The following HDX variants were observed in gnomAD, a reference collection of about 807,000 sequenced individuals.
The protein encoded by HDX is chromosome X open reading frame 43.
A neutral mutation model predicts 45.2 loss-of-function variants in HDX; 19 were observed. The ratio of observed to expected loss-of-function variants is 0.42; its 90% CI spans 0.29 to 0.62. HDX has a LOEUF of 0.62. Ranked by LOEUF, HDX falls within the 20% of genes least tolerant of loss-of-function variation. The probability of loss-of-function intolerance (pLI) is 0.20; values close to 1 mark genes in which losing one functional copy is unlikely to be tolerated. For synonymous variants in HDX, 188 were observed against 172.8 expected (o/e 1.09, Z -0.69); for missense variants, 532 against 493.9 (o/e 1.08, Z -0.73).
Position 84,346,898 on chromosome X carries a change from G to A in HDX, c.1453-2441C>T, listed in dbSNP as rs186875363. 4.9e-3 allele frequency among the ~76,000 whole-genome samples: 549 copies of A among 110,935 alleles called. 3 individuals are homozygous for A. The highest frequency in any genetic ancestry group is 8.6e-3 in the Non-Finnish European group (452 of 52,738). On this transcript the variant is annotated intron_variant, in intron 6 of 10. Coordinates refer to ENST00000373177, the MANE Select transcript of HDX (RefSeq NM_001177479.2). Reference sequence around the variant, plus strand: ...AAAAGTAACTTCTGGGTTTTGATTGGAATTGAATTGAATCTATAGATCAAT... The same window carrying A: ...AAAAGTAACTTCTGGGTTTTGATTGAAATTGAATTGAATCTATAGATCAAT...
chrX:84,449,006 C>A (rs769557000), intron 4 of HDX, among the ~76,000 whole-genome samples: 30 of 107,619 alleles, frequency 2.8e-4, no homozygotes, highest in Non-Finnish European at 5.0e-4. Flanking sequence ...CTAAAAAATT[C>A]ATGGAATCAA....
intron 6 of HDX, among the ~76,000 whole-genome samples, chrX:84,358,839 G>T (rs2037549916): frequency 9.0e-6 from 1 of 111,227 alleles, no homozygotes; most frequent in Non-Finnish European, 1.9e-5. Flanking sequence ...TGGGACTACA[G>T]GTATGTACTA....
chrX:84,397,358 C>G (rs1275614838), intron 5 of HDX, among the ~76,000 whole-genome samples: 1 of 111,846 alleles, frequency 8.9e-6, no homozygotes, highest in Non-Finnish European at 1.9e-5. Flanking sequence ...CAATAGTTGC[C>G]TAGAACTTGG....
chrX:84,343,795 G>A (rs752078180), intron 7 of HDX, among the ~76,000 whole-genome samples: 1 of 110,610 alleles, frequency 9.0e-6, no homozygotes, highest in Non-Finnish European at 1.9e-5. Flanking sequence ...ATTCTCTTTA[G>A]CAGATGAGGA....
intron 1 of HDX, among the ~76,000 whole-genome samples, chrX:84,492,956 A>G (rs1184920804): frequency 9.7e-6 from 1 of 103,326 alleles, no homozygotes; most frequent in African/African-American, 3.6e-5. Flanking sequence ...CTTGTTGCCC[A>G]GGCTGAAGTG....
chrX:84,408,462 A>G (rs1291608634), intron 5 of HDX, among the ~76,000 whole-genome samples: 1 of 80,341 alleles, frequency 1.2e-5, no homozygotes, highest in Non-Finnish European at 2.4e-5. Flanking sequence ...GCCTGGTAGT[A>G]TATTTTGAAG....
At chrX:84,391,552 G>A (rs1884637954) in intron 5 of HDX, among the ~76,000 whole-genome samples, 2 of 110,777 alleles carry the variant, frequency 1.8e-5, no homozygotes, top group African/African-American at 3.3e-5. Context: ...TGGCTCTACG[G>A]CATTATATTC....
At chrX:84,323,069 C>T (rs7877792) in intron 10 of HDX, among the ~76,000 whole-genome samples, 37 of 111,007 alleles carry the variant, frequency 3.3e-4, no homozygotes, top group African/African-American at 1.1e-3. Flanking sequence ...TAAGTGGCAG[C>T]TGCAAATCCT....
intron 5 of HDX, among the ~76,000 whole-genome samples, chrX:84,363,037 TTG>T (rs1399956477): frequency 5.4e-5 from 6 of 111,522 alleles, no homozygotes; most frequent in Admixed American, 1.9e-4. Flanking sequence ...ATATCATATT[TTG>T]TGTGTGTGTG....
intron 5 of HDX, among the ~76,000 whole-genome samples, chrX:84,414,065 A>T (rs772685300): frequency 8.9e-6 from 1 of 111,974 alleles, no homozygotes; most frequent in East Asian, 2.8e-4. Context: ...TGGAAAAAAG[A>T]TCACTTAAAA....
intron 4 of HDX, among the ~76,000 whole-genome samples, chrX:84,442,045 T>C (rs1218870689): frequency 9.0e-6 from 1 of 110,942 alleles, no homozygotes; most frequent in African/African-American, 3.3e-5. Flanking sequence ...AAAGACAAAG[T>C]AGTCTGTTAC....
rs886429912 is a variant in HDX at position 84,339,833 on chromosome X, T to A, written c.1661-2953A>T. 2.7e-5 allele frequency among the ~76,000 whole-genome samples: 3 copies of A among 111,550 alleles called. No individual in the cohort carries two copies. The Admixed American group carries it at 2.9e-4, about 11-fold the overall frequency. ...GTGATGTAAAATTTAATGACATAGA[T>A]GTTAATTGTTCTCATCTTTAAAAAT... On this transcript the variant is annotated intron_variant, in intron 7 of 10. Coordinates refer to ENST00000373177, the MANE Select transcript of HDX (RefSeq NM_001177479.2).
At chrX:84,418,265 A>C (rs376564670) in intron 5 of HDX, among the ~76,000 whole-genome samples, 1 of 112,417 alleles carries the variant, frequency 8.9e-6, no homozygotes, top group Non-Finnish European at 1.9e-5. Context: ...AGGAAATGAA[A>C]ATCTATGAAT....
intron 5 of HDX, among the ~76,000 whole-genome samples, chrX:84,424,706 G>A (rs914196218): frequency 1.8e-5 from 2 of 111,257 alleles, no homozygotes; most frequent in Non-Finnish European, 3.8e-5. Flanking sequence ...AACATACACT[G>A]GGAAAAAGAC....
intron 4 of HDX, among the ~76,000 whole-genome samples, chrX:84,458,382 T>C (rs1323094522): frequency 8.9e-6 from 1 of 112,040 alleles, no homozygotes; most frequent in Non-Finnish European, 1.9e-5. Flanking sequence ...AATGGTTACT[T>C]AGGTGAAATG....
intron 2 of HDX, among the ~76,000 whole-genome samples, chrX:84,483,891 G>T (rs992468201): frequency 9.0e-6 from 1 of 111,289 alleles, no homozygotes; most frequent in Non-Finnish European, 1.9e-5. Context: ...TAGGGAAGGG[G>T]CAAAATACCA....
At chrX:84,457,998 A>G (rs1290072792) in intron 4 of HDX, among the ~76,000 whole-genome samples, 1 of 111,922 alleles carries the variant, frequency 8.9e-6, no homozygotes, top group Non-Finnish European at 1.9e-5. Context: ...AGAATTTCCA[A>G]CTGAACCAGA....
intron 5 of HDX, chrX:84,440,206 T>C: frequency 6.4e-6 from 1 of 156,502 alleles, no homozygotes; most frequent in Non-Finnish European, 1.2e-5. Flanking sequence ...GATTGAGATA[T>C]TTTATATAAA....
At chrX:84,411,749 T>C (rs753026904) in intron 5 of HDX, among the ~76,000 whole-genome samples, 34 of 111,455 alleles carry the variant, frequency 3.1e-4, no homozygotes, top group Non-Finnish European at 5.7e-4. Flanking sequence ...ATTTGTATAA[T>C]ACTGTCAGTG....
Sources: allele counts gnomAD v4.1 joint callset (sites outside exome capture counted in the v4.1 genomes callset), GRCh38; gene constraint gnomAD v4.1.1; transcripts MANE v1.5; gene names NCBI Gene and HGNC (gene_info 2026-07-23, HGNC 2026-07-21).